The following CMTM4 variants were observed in gnomAD, a reference collection of about 807,000 sequenced individuals.
CMTM4 encodes the protein CKLF like MARVEL transmembrane domain containing 4, also known as CKLF-like MARVEL transmembrane domain-containing protein 4.
In CMTM4, 8 loss-of-function variants were observed where a neutral mutation model predicts 19.0. That is an observed-to-expected ratio of 0.42 (90% CI 0.25 to 0.76). The LOEUF (loss-of-function observed/expected upper bound fraction) is 0.76. CMTM4 is among the 30% of genes least tolerant of loss of function. CMTM4 has a pLI of 0.27. For synonymous variants in CMTM4, 106 were observed against 121.1 expected (o/e 0.88, Z 0.82); for missense variants, 228 against 290.2 (o/e 0.79, Z 1.56).
At chr16:66,672,704 G>A (rs909609637) in intron 1 of CMTM4, among the ~76,000 whole-genome samples, 15 of 151,654 alleles carry the variant, frequency 9.9e-5, no homozygotes, top group Non-Finnish European at 1.6e-4. Context: ...CAGCCTCCCC[G>A]GTTCAAGCGA....
At chr16:66,604,830 G>C in the CMTM4 span, 3 of 1,318,112 alleles carry the variant, frequency 2.3e-6, no homozygotes, top group Non-Finnish European at 1.9e-6. Flanking sequence ...CCCCGACCCC[G>C]ACCCGGACCC....
intron 1 of CMTM4, among the ~76,000 whole-genome samples, chr16:66,657,722 G>C (rs533791702): frequency 6.6e-6 from 1 of 152,258 alleles, no homozygotes; most frequent in African/African-American, 2.4e-5. Context: ...AAATCCACGA[G>C]TTTGGAGAAA....
In CMTM4 at chr16:66,617,591, TAAAAG is replaced by T. The variant is rs1425851007; in HGVS notation, c.*4462_*4466del. Reference sequence around the variant, plus strand: ...GGTATTTTCTCTCACAGTTTCTAAATAAAAGAAACATAAAAGGTCAAATATTTTAA... The same window carrying T: ...GGTATTTTCTCTCACAGTTTCTAAATAAACATAAAAGGTCAAATATTTTAA... On this transcript the variant is annotated 3_prime_UTR_variant, in exon 4 of 4. Transcript: ENST00000394106. 7.9e-7 allele frequency: 1 copy of T among 1,260,740 alleles called. No homozygotes were observed. The highest frequency in any genetic ancestry group is 1.5e-5 in the African/African-American group (1 of 65,614). 78.1% of individuals were successfully genotyped at this position (1,260,740 alleles called of 1,614,324 possible). A position where few individuals can be genotyped will look rare whatever the true frequency, so the allele number is the denominator to read the frequency against.
At chr16:66,694,939 AAG>A (rs373082404) in intron 1 of CMTM4, among the ~76,000 whole-genome samples, 3 of 152,280 alleles carry the variant, frequency 2.0e-5, no homozygotes, top group Admixed American at 1.3e-4. Flanking sequence ...CCTTTCACCC[AAG>A]AGAGACATAA....
intron 1 of CMTM4, among the ~76,000 whole-genome samples, chr16:66,639,654 G>T (rs774353040): frequency 6.6e-6 from 1 of 152,138 alleles, no homozygotes; most frequent in Non-Finnish European, 1.5e-5. Context: ...AGGTTGAGGC[G>T]GGTGGATTGC....
the CMTM4 span, chr16:66,609,541 G>A: frequency 6.8e-5 from 108 of 1,582,444 alleles, no homozygotes; most frequent in Admixed American, 9.0e-5. The surrounding 1 kb of genome is among the most constrained non-coding windows in gnomAD (Gnocchi z 4.4). Flanking sequence ...GTGAGCAGCC[G>A]CCCCACCCCT....
intron 1 of CMTM4, among the ~76,000 whole-genome samples, chr16:66,646,075 G>T (rs2016190201): frequency 6.6e-6 from 1 of 152,166 alleles, no homozygotes; most frequent in African/African-American, 2.4e-5. Context: ...AGAGATGGGG[G>T]ATTCTGTGGA....
the CMTM4 span, among the ~76,000 whole-genome samples, chr16:66,602,177 G>A: frequency 6.6e-5 from 10 of 152,222 alleles, no homozygotes; most frequent in Non-Finnish European, 1.3e-4. Context: ...CGGGAAGATT[G>A]TTGGAGGCCA....
downstream of CMTM4, among the ~76,000 whole-genome samples, chr16:66,611,856 G>T (rs1412636730): frequency 6.6e-6 from 1 of 152,062 alleles, no homozygotes; most frequent in Non-Finnish European, 1.5e-5. Flanking sequence ...GAGGGGGATT[G>T]AAGATATAAA....
chr16:66,663,636 G>A (rs557471301), intron 1 of CMTM4, among the ~76,000 whole-genome samples: 9 of 128,344 alleles, frequency 7.0e-5, no homozygotes, highest in East Asian at 5.5e-4. Flanking sequence ...TCCGCCTCCC[G>A]AATTCAAGCG....
the CMTM4 span, among the ~76,000 whole-genome samples, chr16:66,599,106 C>A: frequency 6.6e-6 from 1 of 151,784 alleles, no homozygotes; most frequent in Non-Finnish European, 1.5e-5. Context: ...ATGATGAAAC[C>A]CTGCCTCTAC....
In CMTM4 at chr16:66,619,353, AG is replaced by A; in HGVS notation, c.*2704del. ...TGAGGGTTTCAGCTGTACAGTGTCC[AG>A]GAAAAAACCCAAATGCACACAGCAA... On this transcript the variant is annotated 3_prime_UTR_variant, in exon 4 of 4. Transcript: ENST00000394106. 1 of 985,448 alleles carries A rather than the reference AG, an allele frequency of 1.0e-6. No individual in the cohort carries two copies. Among genetic ancestry groups the A allele is most frequent in the Non-Finnish European group, 1.2e-6 (1 of 829,936 alleles). 61.0% of individuals were successfully genotyped at this position (985,448 alleles called of 1,614,324 possible). A position where few individuals can be genotyped will look rare whatever the true frequency, so the allele number is the denominator to read the frequency against.
chr16:66,678,453 C>G (rs2016847016), intron 1 of CMTM4, among the ~76,000 whole-genome samples: 1 of 152,148 alleles, frequency 6.6e-6, no homozygotes, highest in East Asian at 1.9e-4. Flanking sequence ...CCAAAAATAC[C>G]AAGTATCTTT....
In CMTM4 at chr16:66,615,853, T is replaced by C. The variant is rs1382158397; in HGVS notation, c.*6205A>G. ...TATGGAACCACTTTCTTTGTACTGT[T>C]TGAGGTGAGCAGTGGCTCCAAACTG... On this transcript the variant is annotated 3_prime_UTR_variant, in exon 4 of 4. Coordinates refer to ENST00000394106, the MANE Select transcript of CMTM4 (RefSeq NM_181521.3). The surrounding 1 kb of genome is among the most constrained non-coding windows in gnomAD (Gnocchi z 4.9). 6.6e-6 allele frequency: 1 copy of C among 152,164 alleles called. No homozygotes were observed. The highest frequency in any genetic ancestry group is 1.5e-5 in the Non-Finnish European group (1 of 68,036). 9.4% of individuals were successfully genotyped at this position (152,164 alleles called of 1,614,324 possible).
intron 1 of CMTM4, among the ~76,000 whole-genome samples, chr16:66,678,327 G>C (rs1454300915): frequency 1.3e-5 from 2 of 152,164 alleles, no homozygotes; most frequent in Non-Finnish European, 2.9e-5. Flanking sequence ...AGGAAAGGGA[G>C]AGAAAGAAAC....
intron 1 of CMTM4, among the ~76,000 whole-genome samples, chr16:66,674,377 G>C (rs891516991): frequency 2.0e-5 from 3 of 152,208 alleles, no homozygotes; most frequent in African/African-American, 7.2e-5. Context: ...CAACACTGCA[G>C]AGACAGGGAC....
At chr16:66,623,859 G>T (rs2015686126) in intron 2 of CMTM4, among the ~76,000 whole-genome samples, 1 of 152,164 alleles carries the variant, frequency 6.6e-6, no homozygotes, top group African/African-American at 2.4e-5. Flanking sequence ...GGATCCAAAT[G>T]TACTAAAACT....
intron 1 of CMTM4, among the ~76,000 whole-genome samples, chr16:66,669,592 A>C (rs2016665366): frequency 6.6e-6 from 1 of 151,956 alleles, no homozygotes; most frequent in Non-Finnish European, 1.5e-5. Flanking sequence ...CCCAGGCTGG[A>C]GTGCAGTGGA....
At chr16:66,683,149 A>ACG (rs1222350901) in intron 1 of CMTM4, among the ~76,000 whole-genome samples, 18 of 127,256 alleles carry the variant, frequency 1.4e-4, no homozygotes, top group African/African-American at 4.5e-4. Context: ...ATATATATGT[A>ACG]TATATATATA....
Sources: gnomAD v4.1 joint callset for allele counts (sites outside exome capture counted in the v4.1 genomes callset) on GRCh38, gnomAD v4.1.1 for gene constraint, Gnocchi (gnomAD v3.1) non-coding constraint, MANE v1.5 for transcripts, NCBI Gene and HGNC (gene_info 2026-07-23, HGNC 2026-07-21) for gene names.